MTCL2: variants seen among roughly 807,000 people sequenced by gnomAD.
The protein encoded by MTCL2 is microtubule crosslinking factor 2.
the MTCL2 span, among the ~76,000 whole-genome samples, chr20:36,857,554 C>A: frequency 6.6e-6 from 1 of 152,092 alleles, no homozygotes; most frequent in Non-Finnish European, 1.5e-5. Flanking sequence ...ACAGAGTATG[C>A]CCAGGGACAC....
At chr20:36,808,805 G>C in the MTCL2 span, 20 of 1,461,744 alleles carry the variant, frequency 1.4e-5, no homozygotes, top group Non-Finnish European at 1.8e-5. Context: ...CCCCTTTCTG[G>C]GCCCCTGGAC....
the MTCL2 span, among the ~76,000 whole-genome samples, chr20:36,840,838 T>TC: frequency 6.6e-6 from 1 of 150,488 alleles, no homozygotes; most frequent in Non-Finnish European, 1.5e-5. Context: ...AGAGCGAGAC[T>TC]CCGTCTCAAA....
chr20:36,829,542 G>A, the MTCL2 span, among the ~76,000 whole-genome samples: 36 of 137,660 alleles, frequency 2.6e-4, no homozygotes, highest in South Asian at 5.5e-3. Context: ...TTTTGAGACA[G>A]GGTCTCACTA....
the MTCL2 span, among the ~76,000 whole-genome samples, chr20:36,801,559 A>C: frequency 6.7e-3 from 1,014 of 151,940 alleles, 13 homozygotes; most frequent in African/African-American, 0.023. Flanking sequence ...AAAAAAAAAA[A>C]ACAACTTTTT....
At chr20:36,827,022 CTTTATTTATTTATTTA>C in the MTCL2 span, among the ~76,000 whole-genome samples, 9 of 144,216 alleles carry the variant, frequency 6.2e-5, no homozygotes, top group African/African-American at 2.3e-4. Flanking sequence ...TATCATCCTG[CTTTATTTATTTATTTA>C]TTTATTTATT....
chr20:36,802,748 G>A, the MTCL2 span: 3 of 1,356,922 alleles, frequency 2.2e-6, no homozygotes, highest in African/African-American at 2.9e-5. Context: ...AGACCTCACT[G>A]GATGAGCACC....
chr20:36,813,313 T>TAAAAAAA, the MTCL2 span, among the ~76,000 whole-genome samples: 260 of 41,876 alleles, frequency 6.2e-3, 71 homozygotes, highest in South Asian at 0.018. Context: ...ACTGTTTCTT[T>TAAAAAAA]AAAAAAAAAA....
chr20:36,844,130 G>T, the MTCL2 span, among the ~76,000 whole-genome samples: 1 of 152,108 alleles, frequency 6.6e-6, no homozygotes, highest in Admixed American at 6.6e-5. Context: ...CAGCTATTCA[G>T]GAGGCTGAGG....
chr20:36,809,565 A>ACATTCTTT, the MTCL2 span, among the ~76,000 whole-genome samples: 1 of 148,826 alleles, frequency 6.7e-6, no homozygotes, highest in Admixed American at 6.7e-5. Flanking sequence ...GTTTCCCTTG[A>ACATTCTTT]CATTCTTTCA....
the MTCL2 span, among the ~76,000 whole-genome samples, chr20:36,843,067 C>T: frequency 1.3e-5 from 2 of 152,176 alleles, no homozygotes; most frequent in African/African-American, 2.4e-5. Flanking sequence ...ACTCTGCTCC[C>T]GTCAGAGGGA....
At chr20:36,799,534 T>A in the MTCL2 span, among the ~76,000 whole-genome samples, 1 of 150,142 alleles carries the variant, frequency 6.7e-6, no homozygotes, top group Non-Finnish European at 1.5e-5. Flanking sequence ...AATAAATAAA[T>A]AAAAGTTAGC....
chr20:36,840,578 G>A, the MTCL2 span, among the ~76,000 whole-genome samples: 1 of 151,710 alleles, frequency 6.6e-6, no homozygotes, highest in Non-Finnish European at 1.5e-5. Flanking sequence ...GGTTGGGCAC[G>A]GTGGCTCATG....
At chr20:36,792,515 C>A in the MTCL2 span, among the ~76,000 whole-genome samples, 14 of 149,526 alleles carry the variant, frequency 9.4e-5, no homozygotes, top group African/African-American at 3.2e-4. Flanking sequence ...AAAACAAAAA[C>A]AAAAACAATA....
At chr20:36,812,681 T>C in the MTCL2 span, 7 of 1,611,672 alleles carry the variant, frequency 4.3e-6, no homozygotes, top group African/African-American at 8.0e-5. Context: ...CCCAATCCCA[T>C]GCTTGCTCAG....
the MTCL2 span, among the ~76,000 whole-genome samples, chr20:36,845,796 C>G: frequency 6.6e-6 from 1 of 152,104 alleles, no homozygotes; most frequent in Non-Finnish European, 1.5e-5. Flanking sequence ...GGCCTCCATC[C>G]CAGGAGAGCT....
chr20:36,849,139 G>A, the MTCL2 span, among the ~76,000 whole-genome samples: 1 of 119,470 alleles, frequency 8.4e-6, no homozygotes, highest in South Asian at 2.9e-4. Flanking sequence ...TCAGCTCACT[G>A]CAACCTCTGC....
chr20:36,859,911 C>A, the MTCL2 span: 1 of 1,230,994 alleles, frequency 8.1e-7, no homozygotes, highest in South Asian at 4.2e-5. Context: ...CCCTGGCAGC[C>A]TAGCGACCCT....
the MTCL2 span, among the ~76,000 whole-genome samples, chr20:36,861,852 C>T: frequency 1.3e-5 from 2 of 152,238 alleles, no homozygotes; most frequent in African/African-American, 4.8e-5. Flanking sequence ...AAAGGCAAAG[C>T]CTGCTGTCCG....
At chr20:36,784,024 T>C in the MTCL2 span, 3 of 985,454 alleles carry the variant, frequency 3.0e-6, no homozygotes, top group Admixed American at 6.1e-5. Flanking sequence ...ACAACAAAGA[T>C]GGCAAGGACA....
Sources: gnomAD v4.1 joint callset for allele counts (sites outside exome capture counted in the v4.1 genomes callset) on GRCh38, gnomAD v4.1.1 for gene constraint, MANE v1.5 for transcripts, NCBI Gene and HGNC (gene_info 2026-07-23, HGNC 2026-07-21) for gene names.